The following EVC variants were observed in gnomAD, a reference collection of about 807,000 sequenced individuals.
The protein encoded by EVC is EvC ciliary complex subunit 1.
Under a neutral mutation model 118.9 loss-of-function variants are expected in EVC, and 116 were observed. The observed-to-expected ratio is 0.98, with a 90% CI of 0.84 to 1.14. The LOEUF (loss-of-function observed/expected upper bound fraction) is 1.14, where lower values mean the gene tolerates loss of function less well. Among genes scored for constraint, EVC ranks in the 50% most tolerant of loss-of-function variants. The pLI, the probability that EVC is intolerant of heterozygous loss-of-function variation, is 0.00. For missense variants in EVC, 1,401 were observed against 1,246.4 expected (o/e 1.12, Z -1.87); for synonymous variants, 619 against 534.7 (o/e 1.16, Z -2.18).
intron 11 of EVC, among the ~76,000 whole-genome samples, chr4:5,757,101 C>T (rs147501216): frequency 2.8e-4 from 42 of 152,296 alleles, no homozygotes; most frequent in African/African-American, 1.0e-3. Flanking sequence ...GTTTCCCCAT[C>T]TGTGAAATGG....
At position 5,812,843 on chromosome 4, in the gene EVC, A is replaced by G. The variant is rs776939276; in HGVS notation, c.*1806A>G. 2.0e-5 allele frequency: 3 copies of G among 152,026 alleles called. No homozygotes were observed. Among genetic ancestry groups the G allele is most frequent in the African/African-American group, 4.8e-5 (2 of 41,320 alleles). The allele number at this position is 152,026 out of a possible 1,614,324, so 9.4% of individuals were successfully genotyped here. A position where few individuals can be genotyped will look rare whatever the true frequency, so the allele number is the denominator to read the frequency against. On this transcript the variant is annotated 3_prime_UTR_variant, in exon 21 of 21. Coordinates refer to ENST00000264956, the MANE Select transcript of EVC (RefSeq NM_153717.3). ...TGTCTCCAGACACTGCCCCGTGTCC[A>G]TGGGGTTATCACCCACTGTGCTGAG...
intron 3 of EVC, among the ~76,000 whole-genome samples, chr4:5,730,249 G>C (rs1279326255): frequency 1.3e-5 from 2 of 152,184 alleles, no homozygotes; most frequent in Non-Finnish European, 1.5e-5. Flanking sequence ...CAACATCTGA[G>C]CACTCACAAC....
chr4:5,813,291 T>A lies in EVC; in HGVS notation c.*2254T>A, dbSNP rs1487769510. ...ATCTCGGCTCATGGCAATCTCCATC[T>A]CCCGGGTTCAAGCGATTTTCCTGCC... On this transcript the variant is annotated 3_prime_UTR_variant, in exon 21 of 21. Transcript: ENST00000264956. 6.6e-6 allele frequency: 1 copy of A among 152,116 alleles called. No homozygotes were observed. The highest frequency in any genetic ancestry group is 1.5e-5 in the Non-Finnish European group (1 of 68,024). 9.4% of individuals were successfully genotyped at this position (152,116 alleles called of 1,614,324 possible).
At chr4:5,785,625 C>G (rs1165119818) in intron 12 of EVC, among the ~76,000 whole-genome samples, 2 of 152,200 alleles carry the variant, frequency 1.3e-5, no homozygotes, top group Non-Finnish European at 2.9e-5. Flanking sequence ...GTTGCCCTGT[C>G]GTAGGTGACT....
At chr4:5,809,671 T>C in intron 19 of EVC, 60 bp downstream of exon 19, 2 of 1,460,304 alleles carry the variant, frequency 1.4e-6, no homozygotes, top group Admixed American at 1.8e-5. Flanking sequence ...ATACGGATTC[T>C]AGTTCCACAC....
intron 17 of EVC, among the ~76,000 whole-genome samples, chr4:5,805,914 G>T (rs569313593): frequency 8.5e-6 from 1 of 117,724 alleles, no homozygotes; most frequent in Non-Finnish European, 1.8e-5. Context: ...TTTTTTGAAG[G>T]AGTGACAGTA....
chr4:5,828,570 G>C, the EVC span: 1 of 1,614,202 alleles, frequency 6.2e-7, no homozygotes, highest in Non-Finnish European at 8.5e-7. Context: ...CCTTGTTGAC[G>C]TTGATGTTTC....
At chr4:5,775,841 G>A (rs989387939) in intron 11 of EVC, among the ~76,000 whole-genome samples, 7 of 152,134 alleles carry the variant, frequency 4.6e-5, no homozygotes, top group Admixed American at 4.6e-4. Flanking sequence ...ATCTCATATA[G>A]TTGTTGATTA....
intron 5 of EVC, among the ~76,000 whole-genome samples, chr4:5,741,276 A>G (rs1217966164): frequency 6.6e-6 from 1 of 152,242 alleles, no homozygotes; most frequent in Non-Finnish European, 1.5e-5. Context: ...TTCCTAGTTT[A>G]AAGGACATCT....
the EVC span, chr4:5,828,423 AT>A: frequency 6.4e-7 from 1 of 1,569,622 alleles, no homozygotes; most frequent in Middle Eastern, 2.1e-4. Context: ...TCAGATCTCG[AT>A]TCCCCAAGAG....
In EVC at chr4:5,755,811, C is replaced by T. The variant is rs1321265288; in HGVS notation, c.1465-453C>T. ...CCCGGGTTAGCCCAGTCTCCTGCTG[C>T]TCTGCTGGGGTCCTCAGGGAAGGGC... On this transcript the variant is annotated intron_variant, in intron 10 of 20. Coordinates refer to ENST00000264956, the MANE Select transcript of EVC (RefSeq NM_153717.3). This position sits in a 1 kb window ranked among gnomAD's most constrained non-coding sequence, Gnocchi z 4.1. Among the ~76,000 whole-genome samples, 5 of 152,204 alleles carry T rather than the reference C, an allele frequency of 3.3e-5. No homozygotes were observed. Among genetic ancestry groups the T allele is most frequent in the African/African-American group, 1.2e-4 (5 of 41,450 alleles).
chr4:5,824,914 G>C, the EVC span: 1 of 985,392 alleles, frequency 1.0e-6, no homozygotes, highest in Non-Finnish European at 1.2e-6. Flanking sequence ...GGAGGGATCA[G>C]GTCAACATCT....
At chr4:5,796,943 T>C (rs1714068995) in intron 13 of EVC, 79 bp from the exon 14 acceptor site, 2 of 1,066,030 alleles carry the variant, frequency 1.9e-6, no homozygotes, top group Non-Finnish European at 2.9e-6. Context: ...TCTTGTGGGC[T>C]GTGGCTGTTT....
At chr4:5,790,447 A>C (rs1015137305) in intron 12 of EVC, among the ~76,000 whole-genome samples, 1 of 152,176 alleles carries the variant, frequency 6.6e-6, no homozygotes, top group Non-Finnish European at 1.5e-5. Context: ...AGCGTGCGCC[A>C]TCTCCAGGAT....
Position 5,735,198 on chromosome 4 carries a change from G to A in EVC, c.702+1763G>A, listed in dbSNP as rs1434905561. On this transcript the variant is annotated intron_variant, in intron 5 of 20. Transcript: ENST00000264956. ...AAACAGATGTCACAAAATAAACGGT[G>A]GCAGGCAGCATGGCAAAGGCCTGTG... Among the ~76,000 whole-genome samples the A allele has an allele frequency of 3.3e-5, 5 of 152,232 alleles. No individual in the cohort carries two copies. In the East Asian group the frequency reaches 9.6e-4, roughly 29 times the overall value.
At chr4:5,793,154 G>C (rs1490618773) in intron 12 of EVC, among the ~76,000 whole-genome samples, 1 of 152,148 alleles carries the variant, frequency 6.6e-6, no homozygotes, top group Non-Finnish European at 1.5e-5. Flanking sequence ...TGCTACATTA[G>C]TAAGCATGGT....
At chr4:5,776,348 A>T (rs965641536) in intron 11 of EVC, among the ~76,000 whole-genome samples, 2 of 152,094 alleles carry the variant, frequency 1.3e-5, no homozygotes, top group African/African-American at 4.8e-5. Flanking sequence ...GCAAAAAGTG[A>T]CCCTGTGTTT....
In EVC at chr4:5,808,274, C is replaced by T. The variant is rs121908424; in HGVS notation, c.2635C>T (p.Gln879Ter). 3.2e-5 allele frequency: 52 copies of T among 1,613,860 alleles called. No individual in the cohort carries two copies. The highest frequency in any genetic ancestry group is 4.2e-5 in the Non-Finnish European group (49 of 1,179,990). The stretch of plus-strand genomic sequence containing the variant: ...GCAGATGCGTCTGCACGCCCAGCAG[C>T]AGCAGGCAGGAGTCATGGACCTTCT... ...HQQMRLHAQQ[Q>*]QAGVMDLLEA... Residue 879 changes from glutamine (Q) to a stop codon, truncating the protein, a stop_gained, in exon 18 of 21, where the codon CAG becomes TAG. Coordinates refer to ENST00000264956, the MANE Select transcript of EVC (RefSeq NM_153717.3). LOFTEE classifies it high-confidence loss of function.
At chr4:5,821,795 G>T in the EVC span, 1 of 1,611,594 alleles carries the variant, frequency 6.2e-7, no homozygotes, top group Non-Finnish European at 8.5e-7. This position sits in a 1 kb window ranked among gnomAD's most constrained non-coding sequence, Gnocchi z 4.4. Flanking sequence ...CGGCCACCAG[G>T]GGGCGCCACG....
Sources: allele counts gnomAD v4.1 joint callset (sites outside exome capture counted in the v4.1 genomes callset), GRCh38; gene constraint gnomAD v4.1.1; non-coding constraint Gnocchi (gnomAD v3.1); transcripts MANE v1.5; gene names NCBI Gene and HGNC (gene_info 2026-07-23, HGNC 2026-07-21).